Variants in ARHGEF10 observed in about 807,000 individuals in gnomAD.
The protein encoded by ARHGEF10 is Rho guanine nucleotide exchange factor (GEF) 10.
ARHGEF10 carries 140 observed loss-of-function variants against 147.4 expected under a neutral mutation model. The ratio of observed to expected loss-of-function variants is 0.95; its 90% confidence interval spans 0.83 to 1.09. The LOEUF (loss-of-function observed/expected upper bound fraction) is 1.09. ARHGEF10 is among the 50% of genes least tolerant of loss of function. The pLI is 0.00. For synonymous variants in ARHGEF10, 902 were observed against 695.8 expected (o/e 1.30, Z -4.67); for missense variants, 2,222 against 1,752.7 (o/e 1.27, Z -4.78).
At chr8:1,853,047 G>C (rs542633281) in intron 2 of ARHGEF10, among the ~76,000 whole-genome samples, 133 of 152,158 alleles carry the variant, frequency 8.7e-4, no homozygotes, top group Non-Finnish European at 1.6e-3. Flanking sequence ...TTAGATTTGG[G>C]CCGGGCGCTG....
Position 1,844,534 on chromosome 8 carries a change from C to T in ARHGEF10, c.37+1098C>T, listed in dbSNP as rs147254918. Among the ~76,000 whole-genome samples the T allele has an allele frequency of 3.2e-3, 426 of 131,764 alleles. 4 individuals are homozygous for T. Among genetic ancestry groups the T allele is most frequent in the East Asian group, 0.01 (46 of 4,600 alleles). 86.4% of individuals were successfully genotyped at this position (131,764 alleles called of 152,430 possible). On this transcript the variant is annotated intron_variant, in intron 2 of 28. Coordinates refer to ENST00000349830, the MANE Select transcript of ARHGEF10 (RefSeq NM_014629.4). ...CAGAAGGGATGCCCACTCCTGCTGC[C>T]GGGGGTCTGCGGTGGGGAACCAGGC...
At chr8:1,939,034 G>A (rs1233927466) in intron 26 of ARHGEF10, among the ~76,000 whole-genome samples, 1 of 150,692 alleles carries the variant, frequency 6.6e-6, no homozygotes, top group Admixed American at 6.6e-5. Flanking sequence ...TGAACACTCT[G>A]GAATACCAGT....
chr8:1,916,241 A>G (rs1268511571), intron 18 of ARHGEF10, among the ~76,000 whole-genome samples: 2 of 152,236 alleles, frequency 1.3e-5, no homozygotes, highest in African/African-American at 4.8e-5. Flanking sequence ...GTGCGCATGC[A>G]GGAGGGCCTG....
chr8:1,921,192 A>G (rs950634340), intron 18 of ARHGEF10, among the ~76,000 whole-genome samples: 8 of 152,224 alleles, frequency 5.3e-5, no homozygotes. Flanking sequence ...ATACCATGTA[A>G]TCATGTCTTC....
intron 18 of ARHGEF10, among the ~76,000 whole-genome samples, chr8:1,914,200 A>G (rs1188954653): frequency 2.6e-5 from 4 of 152,244 alleles, no homozygotes; most frequent in Non-Finnish European, 5.9e-5. Flanking sequence ...CTCCTGAAGT[A>G]GAAGGCAGCA....
intron 1 of ARHGEF10, among the ~76,000 whole-genome samples, chr8:1,827,778 A>T (rs761328039): frequency 3.3e-5 from 5 of 152,162 alleles, no homozygotes; most frequent in Admixed American, 2.0e-4. Context: ...AAATATTTTT[A>T]AAAATGTTTG....
chr8:1,928,683 G>T, intron 24 of ARHGEF10, 33 bp downstream of exon 24: 1 of 1,609,720 alleles, frequency 6.2e-7, no homozygotes, highest in East Asian at 2.2e-5. Context: ...CAGAGAATTA[G>T]CAAGCTCTGC....
chr8:1,901,156 C>T (rs571053416), intron 15 of ARHGEF10, among the ~76,000 whole-genome samples: 31 of 152,110 alleles, frequency 2.0e-4, no homozygotes, highest in African/African-American at 7.2e-4. Context: ...GTACTCAGGG[C>T]ACCCGGGATG....
At chr8:1,905,965 C>G (rs1242304630) in intron 17 of ARHGEF10, among the ~76,000 whole-genome samples, 1 of 152,094 alleles carries the variant, frequency 6.6e-6, no homozygotes, top group Non-Finnish European at 1.5e-5. Context: ...GGGCTGATGG[C>G]GGAACTAGAA....
At position 1,937,870 on chromosome 8, in the gene ARHGEF10, A is replaced by G. The variant is rs1337830158; in HGVS notation, c.3222+3928A>G. ...CTAGCCATATTTGGAAGAAAAAGGCACCTGAGGCTCTGAGGCTTCGGTGTT... is the reference window on the plus strand; with the variant it reads ...CTAGCCATATTTGGAAGAAAAAGGCGCCTGAGGCTCTGAGGCTTCGGTGTT... On this transcript the variant is annotated intron_variant, in intron 26 of 28. Coordinates refer to ENST00000349830, the MANE Select transcript of ARHGEF10 (RefSeq NM_014629.4). This position sits in a 1 kb window ranked among gnomAD's most constrained non-coding sequence, Gnocchi z 4.9. Among the ~76,000 whole-genome samples, 1 of 152,236 alleles carries G rather than the reference A, an allele frequency of 6.6e-6. No homozygotes were observed. Among genetic ancestry groups the G allele is most frequent in the Non-Finnish European group, 1.5e-5 (1 of 68,050 alleles).
rs910144315 is a variant in ARHGEF10 at position 1,937,824 on chromosome 8, G to C, written c.3222+3882G>C. Among the ~76,000 whole-genome samples, 1 of 152,220 alleles carries C rather than the reference G, an allele frequency of 6.6e-6. No homozygotes were observed. The highest frequency in any genetic ancestry group is 1.5e-5 in the Non-Finnish European group (1 of 68,048). ...GGGAGCTGCATGTGATCTGGGCTTG[G>C]GTTGAGCGGGTTGGGAGATGCTAGC... On this transcript the variant is annotated intron_variant, in intron 26 of 28. Coordinates refer to ENST00000349830, the MANE Select transcript of ARHGEF10 (RefSeq NM_014629.4). The surrounding 1 kb of genome is among the most constrained non-coding windows in gnomAD (Gnocchi z 4.9).
chr8:1,832,175 C>T (rs1287073534), intron 1 of ARHGEF10, among the ~76,000 whole-genome samples: 3 of 152,168 alleles, frequency 2.0e-5, no homozygotes, highest in African/African-American at 7.2e-5. Context: ...CCACGCTGCT[C>T]CAAGGGAGTC....
intron 7 of ARHGEF10, 44 bp downstream of exon 7, chr8:1,869,294 A>G: frequency 6.4e-7 from 1 of 1,552,130 alleles, no homozygotes. Flanking sequence ...TCAGCTCAGC[A>G]GCCTTTCCCT....
intron 7 of ARHGEF10, among the ~76,000 whole-genome samples, chr8:1,874,313 C>G (rs1379615702): frequency 6.6e-6 from 1 of 152,200 alleles, no homozygotes; most frequent in African/African-American, 2.4e-5. Context: ...GGCGTCCAAA[C>G]GTGCCTGATC....
chr8:1,909,725 T>C (rs1046826059), intron 18 of ARHGEF10, among the ~76,000 whole-genome samples: 6 of 152,188 alleles, frequency 3.9e-5, no homozygotes, highest in Admixed American at 2.6e-4. Flanking sequence ...CAGTCAGAAG[T>C]GGATTCCGTC....
intron 2 of ARHGEF10, among the ~76,000 whole-genome samples, chr8:1,850,114 A>ACG (rs1563174216): frequency 0.011 from 230 of 20,998 alleles, 13 homozygotes; most frequent in East Asian, 0.031. Context: ...GGCCGGCTGC[A>ACG]TGGACACAGA....
chr8:1,891,250 T>C (rs1462630038), intron 11 of ARHGEF10, among the ~76,000 whole-genome samples: 1 of 152,194 alleles, frequency 6.6e-6, no homozygotes, highest in Non-Finnish European at 1.5e-5. Context: ...TCGATTTTGT[T>C]TTCCTCCTGC....
intron 9 of ARHGEF10, among the ~76,000 whole-genome samples, chr8:1,880,516 A>T (rs1808097653): frequency 6.6e-6 from 1 of 152,242 alleles, no homozygotes; most frequent in Non-Finnish European, 1.5e-5. Flanking sequence ...ATTTAAGATA[A>T]CATGTAATAG....
chr8:1,951,518 G>T (rs1303994394), intron 27 of ARHGEF10, among the ~76,000 whole-genome samples: 5 of 152,170 alleles, frequency 3.3e-5, no homozygotes, highest in African/African-American at 1.2e-4. Flanking sequence ...TTTGTTTTGG[G>T]GGAGGCTGTT....
Sources: gnomAD v4.1 joint callset for allele counts (sites outside exome capture counted in the v4.1 genomes callset) on GRCh38, gnomAD v4.1.1 for gene constraint, Gnocchi (gnomAD v3.1) non-coding constraint, MANE v1.5 for transcripts, NCBI Gene and HGNC (gene_info 2026-07-23, HGNC 2026-07-21) for gene names.